The following STK32B variants were observed in gnomAD, a reference collection of about 807,000 sequenced individuals.
The protein encoded by STK32B is serine/threonine-protein kinase 32B.
A neutral mutation model predicts 52.6 loss-of-function variants in STK32B; 43 were observed. The ratio of observed to expected loss-of-function variants is 0.82; its 90% CI spans 0.64 to 1.05. The LOEUF (loss-of-function observed/expected upper bound fraction) is 1.05, where lower values mean the gene tolerates loss of function less well. STK32B is among the 50% of genes least tolerant of loss of function. STK32B has a pLI of 0.00. For synonymous variants in STK32B, 238 were observed against 204.3 expected (o/e 1.17, Z -1.41); for missense variants, 621 against 534.6 (o/e 1.16, Z -1.59).
chr4:5,491,825 T>C (rs1056018298), intron 11 of STK32B, among the ~76,000 whole-genome samples: 2 of 152,086 alleles, frequency 1.3e-5, no homozygotes, highest in African/African-American at 4.8e-5. Flanking sequence ...GCACCATTTA[T>C]TAAATAGGGA....
chr4:5,340,479 A>T (rs904026810), intron 4 of STK32B, among the ~76,000 whole-genome samples: 19 of 152,216 alleles, frequency 1.2e-4, no homozygotes, highest in Non-Finnish European at 2.5e-4. Context: ...GCAAGGGTCA[A>T]GGGTGGTAGG....
rs557212005 is a variant in STK32B, at chr4:5,386,734, G to A, written c.435-11473G>A. 4.6e-5 allele frequency among the ~76,000 whole-genome samples: 7 copies of A among 152,274 alleles called. No individual in the cohort carries two copies. The highest frequency in any genetic ancestry group is 2.1e-4 in the South Asian group (1 of 4,826). ...AGGAAGTTACTTAACTCATCTAAAC[G>A]TAGGTCCCCTCATCTGGAAAATGAC... is the stretch of plus-strand genomic sequence containing the variant. On this transcript the variant is annotated intron_variant, in intron 4 of 11. Transcript: ENST00000282908. The surrounding 1 kb of genome is among the most constrained non-coding windows in gnomAD (Gnocchi z 4.5).
intron 3 of STK32B, among the ~76,000 whole-genome samples, chr4:5,173,515 A>G (rs202131972): frequency 0.19 from 28,045 of 150,930 alleles, 3,268 homozygotes; most frequent in East Asian, 0.3. Context: ...CTTTGTTCTC[A>G]TTGGTTTCAA....
chr4:5,162,996 C>T (rs1375947198), intron 2 of STK32B, among the ~76,000 whole-genome samples: 4 of 152,180 alleles, frequency 2.6e-5, no homozygotes, highest in African/African-American at 9.7e-5. Flanking sequence ...CTACACTGTA[C>T]ACATGGAATC....
chr4:5,479,935 C>A (rs1167296248), intron 11 of STK32B, among the ~76,000 whole-genome samples: 1 of 152,112 alleles, frequency 6.6e-6, no homozygotes, highest in Non-Finnish European at 1.5e-5. Flanking sequence ...ACCAGACTGC[C>A]TGGGTACAAA....
Position 5,207,160 on chromosome 4 carries a change from G to T in STK32B, c.260+38710G>T, listed in dbSNP as rs550933231. 4.6e-5 allele frequency among the ~76,000 whole-genome samples: 7 copies of T among 152,288 alleles called. No homozygotes were observed. The South Asian group carries it at 1.2e-3, about 27-fold the overall frequency. ...GGAACAGCCGGGACAGAGACAGGAT[G>T]ACCCACGAGCCTGAACGAATTCCTT... On this transcript the variant is annotated intron_variant, in intron 3 of 11. Transcript: ENST00000282908.
chr4:5,325,409 A>T (rs1731806357), intron 3 of STK32B, among the ~76,000 whole-genome samples: 1 of 152,020 alleles, frequency 6.6e-6, no homozygotes, highest in Non-Finnish European at 1.5e-5. Flanking sequence ...GAGATTTGAG[A>T]CACATTGATG....
chr4:5,163,538 CTGTGTGTGTGTGTG>C (rs3077842), intron 2 of STK32B, among the ~76,000 whole-genome samples: 22 of 139,436 alleles, frequency 1.6e-4, no homozygotes, highest in Admixed American at 3.6e-4. Flanking sequence ...AGAGTGAAGG[CTGTGTGTGTGTGTG>C]TGTGTGTGTG....
rs1720607973 is a variant in STK32B at position 5,500,000 on chromosome 4, A to G, written c.*917A>G. The G allele has an allele frequency of 6.6e-6, 1 of 152,228 alleles. No homozygotes were observed. The highest frequency in any genetic ancestry group is 2.4e-5 in the African/African-American group (1 of 41,456). 9.4% of individuals were successfully genotyped at this position (152,228 alleles called of 1,614,324 possible). A position where few individuals can be genotyped will look rare whatever the true frequency, so the allele number is the denominator to read the frequency against. ...AGATTCTTCTTACAGAGAGTATCCA[A>G]TCGGTATTGGTGGAGCGGCTCCCTA... On this transcript the variant is annotated 3_prime_UTR_variant, in exon 12 of 12. Coordinates refer to ENST00000282908, the MANE Select transcript of STK32B (RefSeq NM_018401.3).
intron 3 of STK32B, among the ~76,000 whole-genome samples, chr4:5,182,560 C>T (rs1159497208): frequency 1.3e-5 from 2 of 151,974 alleles, no homozygotes; most frequent in South Asian, 4.2e-4. Flanking sequence ...CTCCCGGGTT[C>T]AAGAGATTTT....
rs777917435 is a variant in STK32B at position 5,252,288 on chromosome 4, G to A, written c.261-78932G>A. On this transcript the variant is annotated intron_variant, in intron 3 of 11. Coordinates refer to ENST00000282908, the MANE Select transcript of STK32B (RefSeq NM_018401.3). ...GGCTCTCCACCATGTTTTAGGGCCA[G>A]TGCTAGACACATTGGATAAAGAACC... 1.2e-3 allele frequency among the ~76,000 whole-genome samples: 189 copies of A among 152,302 alleles called. 1 individual carries two copies. The highest frequency in any genetic ancestry group is 7.1e-4 in the Non-Finnish European group (48 of 68,028).
At chr4:5,317,537 A>G (rs1210649313) in intron 3 of STK32B, among the ~76,000 whole-genome samples, 3 of 95,676 alleles carry the variant, frequency 3.1e-5, no homozygotes, top group African/African-American at 1.6e-4. Context: ...TATATATTAC[A>G]TGTATATATA....
At chr4:5,110,999 C>A (rs1714373499) in intron 1 of STK32B, among the ~76,000 whole-genome samples, 1 of 151,534 alleles carries the variant, frequency 6.6e-6, no homozygotes, top group Admixed American at 6.6e-5. Context: ...TAAGCTTCCA[C>A]AAACACATAA....
At chr4:5,254,415 C>T (rs1577251665) in intron 3 of STK32B, among the ~76,000 whole-genome samples, 1 of 152,006 alleles carries the variant, frequency 6.6e-6, no homozygotes, top group East Asian at 1.9e-4. Context: ...AAATTATGTC[C>T]TAACTTGTCA....
chr4:5,396,157 G>A lies in STK32B; in HGVS notation c.435-2050G>A, dbSNP rs183343728. On this transcript the variant is annotated intron_variant, in intron 4 of 11. Transcript: ENST00000282908. The surrounding 1 kb of genome is among the most constrained non-coding windows in gnomAD (Gnocchi z 4.7). Reference sequence around the variant, plus strand: ...TACAAATTTATTCTCTCATAATTCCGGCCAGAAGTCCAAAATCAAAGAGGA... The same window carrying A: ...TACAAATTTATTCTCTCATAATTCCAGCCAGAAGTCCAAAATCAAAGAGGA... 3.3e-4 allele frequency among the ~76,000 whole-genome samples: 51 copies of A among 152,252 alleles called. No individual in the cohort carries two copies. The East Asian group carries it at 8.7e-3, about 26-fold the overall frequency.
intron 4 of STK32B, among the ~76,000 whole-genome samples, chr4:5,384,556 G>T (rs945255945): frequency 1.3e-5 from 2 of 152,162 alleles, no homozygotes; most frequent in African/African-American, 2.4e-5. Flanking sequence ...TTCCCTGGTT[G>T]TATTTTTCTG....
chr4:5,417,086 C>T (rs1173979397), intron 6 of STK32B, 152 bp downstream of exon 6: 10 of 678,720 alleles, frequency 1.5e-5, no homozygotes, highest in South Asian at 6.6e-5. Context: ...AATGCTCCCT[C>T]GAAGCTCTGG....
At chr4:5,263,787 A>C (rs1726880245) in intron 3 of STK32B, among the ~76,000 whole-genome samples, 2 of 152,196 alleles carry the variant, frequency 1.3e-5, no homozygotes, top group Middle Eastern at 3.2e-3. Flanking sequence ...GACTATTTCT[A>C]TCATCCCCCA....
At chr4:5,048,496 C>T (rs1002110275), upstream of STK32B, among the ~76,000 whole-genome samples, 2 of 152,134 alleles carry the variant, frequency 1.3e-5, no homozygotes, top group South Asian at 2.1e-4. Flanking sequence ...GGGGTTTCAC[C>T]GTGTTGGCTA....
Sources: gnomAD v4.1 joint callset for allele counts (sites outside exome capture counted in the v4.1 genomes callset) on GRCh38, gnomAD v4.1.1 for gene constraint, Gnocchi (gnomAD v3.1) non-coding constraint, MANE v1.5 for transcripts, NCBI Gene and HGNC (gene_info 2026-07-23, HGNC 2026-07-21) for gene names.